DPP4: variants seen among roughly 807,000 people sequenced by gnomAD.
DPP4 encodes dipeptidyl peptidase 4.
A neutral mutation model predicts 122.4 loss-of-function variants in DPP4; 93 were observed. The observed-to-expected ratio is 0.76, with a 90% CI of 0.64 to 0.90. DPP4 has a LOEUF of 0.90. Among genes scored for constraint, DPP4 ranks in the 40% least tolerant of loss-of-function variants. The pLI is 0.00. For synonymous variants in DPP4, 321 were observed against 302.9 expected, an observed-to-expected ratio of 1.06 and a Z score of -0.62; for missense variants, 914 against 907.3, an observed-to-expected ratio of 1.01 and a Z score of -0.09.
chr2:162,018,959 C>T, intron 15 of DPP4, 109 bp from the exon 16 acceptor site: 1 of 1,368,548 alleles, frequency 7.3e-7, no homozygotes, highest in Non-Finnish European at 9.9e-7. Context: ...CCAACGCAAT[C>T]TTTAGGACTT....
chr2:162,041,866 A>G (rs1486522383), intron 5 of DPP4, among the ~76,000 whole-genome samples: 1 of 152,202 alleles, frequency 6.6e-6, no homozygotes, highest in African/African-American at 2.4e-5. Flanking sequence ...CCCCTGGAGC[A>G]GCTTATAGTG....
chr2:162,066,671 T>C (rs185254676), intron 2 of DPP4, among the ~76,000 whole-genome samples: 65 of 152,338 alleles, frequency 4.3e-4, no homozygotes, highest in South Asian at 1.0e-3. Context: ...AATTTATCTT[T>C]TTAAAAGATT....
intron 25 of DPP4, among the ~76,000 whole-genome samples, chr2:161,993,891 G>GA (rs1274842380): frequency 6.6e-6 from 1 of 151,944 alleles, no homozygotes; most frequent in African/African-American, 2.4e-5. Context: ...CTAGAAACTG[G>GA]AAAAACTCTA....
Position 162,032,763 on chromosome 2 carries a change from A to G in DPP4, c.887+778T>C, listed in dbSNP as rs542130096. Among the ~76,000 whole-genome samples the G allele has an allele frequency of 4.6e-5, 7 of 152,110 alleles. No homozygotes were observed. In the East Asian group the frequency reaches 1.2e-3, roughly 25 times the overall value. The stretch of plus-strand genomic sequence containing the variant: ...AAATAACAGAAATGAGTAAATATGG[A>G]GCTATCAGAGAGCCGTAAATTGTAC... On this transcript the variant is annotated intron_variant, in intron 10 of 25. Transcript: ENST00000360534.
At chr2:162,069,868 G>A (rs1007767081) in intron 2 of DPP4, among the ~76,000 whole-genome samples, 8 of 151,976 alleles carry the variant, frequency 5.3e-5, no homozygotes, top group Non-Finnish European at 7.4e-5. Flanking sequence ...CCTTTCCACC[G>A]AAAGAAGGTA....
intron 5 of DPP4, among the ~76,000 whole-genome samples, chr2:162,040,984 T>C (rs935517231): frequency 3.0e-4 from 45 of 152,056 alleles, no homozygotes; most frequent in African/African-American, 1.1e-3. Flanking sequence ...CATGGTATCA[T>C]TGAGTGAGAA....
chr2:162,018,614 G>A (rs1199553891), intron 16 of DPP4, 115 bp downstream of exon 16: 2 of 1,325,612 alleles, frequency 1.5e-6, no homozygotes, highest in Non-Finnish European at 2.0e-6. Context: ...TGTGAGTGGA[G>A]AGAAGGGGAC....
chr2:162,002,279 C>T (rs983049418), intron 23 of DPP4, among the ~76,000 whole-genome samples: 24 of 152,172 alleles, frequency 1.6e-4, no homozygotes, highest in African/African-American at 5.1e-4. Flanking sequence ...TTTGATTTAA[C>T]GACATGTGCT....
intron 1 of DPP4, 57 bp downstream of exon 1, chr2:162,073,919 G>A (rs932713765): frequency 7.5e-6 from 12 of 1,604,202 alleles, no homozygotes; most frequent in Admixed American, 1.7e-5. Flanking sequence ...CATTTGGGGA[G>A]TTTGGCGAAG....
At chr2:162,024,996 G>T (rs1374833579) in intron 10 of DPP4, 57 bp from the exon 11 acceptor site, 12 of 1,583,526 alleles carry the variant, frequency 7.6e-6, no homozygotes, top group African/African-American at 1.3e-5. Context: ...ACTATTGCCA[G>T]ACCTTGGTAC....
intron 8 of DPP4, among the ~76,000 whole-genome samples, chr2:162,037,536 A>AGTTTT (rs1683821995): frequency 6.6e-6 from 1 of 152,224 alleles, no homozygotes; most frequent in African/African-American, 2.4e-5. Flanking sequence ...TTTTTAAACT[A>AGTTTT]CAAAGAAGAA....
At chr2:162,066,686 G>A (rs189179460) in intron 2 of DPP4, among the ~76,000 whole-genome samples, 3 of 152,214 alleles carry the variant, frequency 2.0e-5, no homozygotes, top group Non-Finnish European at 4.4e-5. Context: ...AAGATTATTT[G>A]GATCATGATT....
chr2:162,012,444 T>G (rs1682736117), intron 19 of DPP4, among the ~76,000 whole-genome samples: 1 of 152,166 alleles, frequency 6.6e-6, no homozygotes, highest in African/African-American at 2.4e-5. Flanking sequence ...TCATATGCTT[T>G]GCATTTCCCA....
rs1305768905 is a variant in DPP4, at chr2:162,024,921, A to T, written c.906T>A (p.Asp302Glu). The change falls in exon 11 of 26, where the codon GAT becomes GAA. Residue 302 changes from aspartate (D) to glutamate (E), a missense_variant. Physicochemically the swap from Asp to Glu is conservative, Grantham distance 45. Coordinates refer to ENST00000360534, the MANE Select transcript of DPP4 (RefSeq NM_001935.4). ...TTCTTTCTTGTGTTGCCCATGTCAC[A>T]TCACACAAGTAGTGATCCCTGGAAG... ...SMLIGDHYLCDVTWATQERIS... is the reference protein window; with the variant it reads ...SMLIGDHYLCEVTWATQERIS... The T allele has an allele frequency of 6.2e-7, 1 of 1,613,646 alleles. No homozygotes were observed. The highest frequency in any genetic ancestry group is 8.5e-7 in the Non-Finnish European group (1 of 1,179,994).
intron 23 of DPP4, among the ~76,000 whole-genome samples, chr2:162,000,942 A>T (rs16846234): frequency 0.043 from 6,607 of 152,136 alleles, 199 homozygotes; most frequent in South Asian, 0.095. Flanking sequence ...TTCTTCTGTT[A>T]TCCCTCAGTT....
intron 5 of DPP4, among the ~76,000 whole-genome samples, 181 bp from the exon 6 acceptor site, chr2:162,039,365 A>C (rs1683907286): frequency 6.6e-6 from 1 of 151,992 alleles, no homozygotes; most frequent in Non-Finnish European, 1.5e-5. Context: ...CATCTCATAC[A>C]AACTCCTCTG....
rs115867709 is a variant in DPP4 at position 162,073,561 on chromosome 2, T to C, written c.7-75A>G. On this transcript the variant is annotated intron_variant, in intron 1 of 25. Coordinates refer to ENST00000360534, the MANE Select transcript of DPP4 (RefSeq NM_001935.4). ...GTTTCCGTAGGAGGGTCGGGGCTGC[T>C]CCAGAGGCAGCAGGATTTGCAGGTG... 7.2e-4 allele frequency: 1,040 copies of C among 1,452,996 alleles called. 9 individuals are homozygous for C. In the African/African-American group the frequency reaches 0.013, roughly 18 times the overall value. The allele number at this position is 1,452,996 out of a possible 1,614,324, so 90.0% of individuals were successfully genotyped here.
At chr2:162,026,755 G>T (rs1683342565) in intron 10 of DPP4, among the ~76,000 whole-genome samples, 1 of 152,230 alleles carries the variant, frequency 6.6e-6, no homozygotes, top group South Asian at 2.1e-4. Flanking sequence ...GGAGCTAAAT[G>T]AGAACCTGGA....
rs546034162 is a variant in DPP4 at position 162,066,258 on chromosome 2, T to C, written c.94+7141A>G. ...AAATACATCCTGCGTTTCTTTTTTT[T>C]TTTTAAACTTATTTTCACCTCCAGT... is the stretch of plus-strand genomic sequence containing the variant. On this transcript the variant is annotated intron_variant, in intron 2 of 25. Transcript: ENST00000360534. 2.0e-5 allele frequency among the ~76,000 whole-genome samples: 3 copies of C among 152,238 alleles called. No individual in the cohort carries two copies. In the South Asian group the frequency reaches 6.2e-4, roughly 32 times the overall value.
Sources: allele counts gnomAD v4.1 joint callset (sites outside exome capture counted in the v4.1 genomes callset), GRCh38; gene constraint gnomAD v4.1.1; transcripts MANE v1.5; gene names NCBI Gene and HGNC (gene_info 2026-07-23, HGNC 2026-07-21).